Variants in NKAIN3 observed in about 807,000 individuals in gnomAD.
NKAIN3 encodes the protein sodium/potassium-transporting ATPase subunit beta-1-interacting protein 3.
Under a neutral mutation model 30.2 loss-of-function variants are expected in NKAIN3, and 25 were observed. That is an observed-to-expected ratio of 0.83 (90% CI 0.60 to 1.16). The LOEUF (loss-of-function observed/expected upper bound fraction) is 1.16, where lower values mean the gene tolerates loss of function less well. NKAIN3 is among the 50% of genes most tolerant of loss of function. The pLI is 0.00. For missense variants in NKAIN3, 225 were observed against 254.1 expected, an observed-to-expected ratio of 0.89 and a Z score of 0.78; for synonymous variants, 91 against 89.6, an observed-to-expected ratio of 1.02 and a Z score of -0.09.
chr8:62,941,196 C>T (rs999406855), intron 5 of NKAIN3, among the ~76,000 whole-genome samples: 1 of 151,880 alleles, frequency 6.6e-6, no homozygotes, highest in Non-Finnish European at 1.5e-5. Flanking sequence ...CTAGATTAAA[C>T]CAGGAAGAAA....
chr8:62,360,171 G>A (rs2129592425), intron 1 of NKAIN3, among the ~76,000 whole-genome samples: 1 of 152,306 alleles, frequency 6.6e-6, no homozygotes, highest in African/African-American at 2.4e-5. Context: ...TGAGTCACCA[G>A]GTAGCTATTA....
In NKAIN3 at chr8:62,976,666, C is replaced by T. The variant is rs1004334335; in HGVS notation, c.*11259C>T. Among the ~76,000 whole-genome samples, 42 of 152,254 alleles carry T rather than the reference C, an allele frequency of 2.8e-4. No individual in the cohort carries two copies. Among genetic ancestry groups the T allele is most frequent in the African/African-American group, 9.9e-4 (41 of 41,552 alleles). On this transcript the variant is annotated 3_prime_UTR_variant, in exon 7 of 7. Coordinates refer to ENST00000623646, the MANE Select transcript of NKAIN3 (RefSeq NM_001304533.3). Reference sequence around the variant, plus strand: ...GCCAGTCTGTGCCTTTTAATTGGGGCATTTAGCCCATTTACATTTAAGGTT... The same window carrying T: ...GCCAGTCTGTGCCTTTTAATTGGGGTATTTAGCCCATTTACATTTAAGGTT...
At chr8:62,838,804 T>C (rs182934914) in intron 4 of NKAIN3, among the ~76,000 whole-genome samples, 6 of 152,250 alleles carry the variant, frequency 3.9e-5, no homozygotes, top group African/African-American at 1.2e-4. Context: ...CCCAGTAAAA[T>C]GTAAATGTGC....
chr8:62,304,422 T>C (rs1310539063), intron 1 of NKAIN3, among the ~76,000 whole-genome samples: 1 of 150,406 alleles, frequency 6.6e-6, no homozygotes, highest in Non-Finnish European at 1.5e-5. Flanking sequence ...TTTTCCCCCT[T>C]TTAGTATGAT....
In NKAIN3 at chr8:62,548,484, G is replaced by A. The variant is rs1045040133; in HGVS notation, c.55-31055G>A. 2.6e-5 allele frequency among the ~76,000 whole-genome samples: 4 copies of A among 152,216 alleles called. No homozygotes were observed. In the East Asian group the frequency reaches 7.8e-4, roughly 29 times the overall value. ...CTCCCCCTGTGTCGGGGGTCATTAC[G>A]CTGCACTGACAGCCAGCTCTGATGC... On this transcript the variant is annotated intron_variant, in intron 1 of 6. Transcript: ENST00000623646.
intron 4 of NKAIN3, among the ~76,000 whole-genome samples, chr8:62,847,691 C>G (rs1324813566): frequency 6.6e-6 from 1 of 152,028 alleles, no homozygotes; most frequent in Non-Finnish European, 1.5e-5. Context: ...TTAATTAGAC[C>G]CCATCGGTCA....
At chr8:62,731,166 A>T (rs954345905) in intron 3 of NKAIN3, among the ~76,000 whole-genome samples, 1 of 151,682 alleles carries the variant, frequency 6.6e-6, no homozygotes, top group Admixed American at 6.6e-5. Flanking sequence ...AAACAGCAAA[A>T]CTGAAGTGCT....
At chr8:62,392,510 T>C (rs1817610836) in intron 1 of NKAIN3, among the ~76,000 whole-genome samples, 1 of 152,064 alleles carries the variant, frequency 6.6e-6, no homozygotes, top group Non-Finnish European at 1.5e-5. Flanking sequence ...ATTTATATTT[T>C]GGCTGTATTA....
chr8:62,276,776 T>C (rs1002800083), intron 1 of NKAIN3, among the ~76,000 whole-genome samples: 8 of 152,218 alleles, frequency 5.3e-5, no homozygotes, highest in Admixed American at 1.3e-4. Flanking sequence ...AATGAGAAGA[T>C]AATTGTCAAT....
At chr8:62,264,201 TC>T (rs1405161201) in intron 1 of NKAIN3, among the ~76,000 whole-genome samples, 1 of 152,192 alleles carries the variant, frequency 6.6e-6, no homozygotes, top group Non-Finnish European at 1.5e-5. Flanking sequence ...ATTATTTGCC[TC>T]CTAAGGAGCT....
At chr8:62,895,197 G>A (rs1234989951) in intron 4 of NKAIN3, among the ~76,000 whole-genome samples, 2 of 152,150 alleles carry the variant, frequency 1.3e-5, no homozygotes, top group African/African-American at 4.8e-5. Flanking sequence ...TTAAACAAAT[G>A]GTAGCTTACT....
chr8:62,527,212 A>G (rs1869016), intron 1 of NKAIN3, among the ~76,000 whole-genome samples: 130,153 of 152,160 alleles, frequency 0.86, 55,920 homozygotes, highest in Middle Eastern at 0.91. Context: ...CAGCCAAACG[A>G]CTCAACATTT....
At chr8:62,614,832 T>A (rs556282787) in intron 3 of NKAIN3, among the ~76,000 whole-genome samples, 2 of 152,116 alleles carry the variant, frequency 1.3e-5, no homozygotes, top group African/African-American at 4.8e-5. Flanking sequence ...TAATGTTCCC[T>A]TAAAACCCAA....
Position 62,401,968 on chromosome 8 carries a change from G to C in NKAIN3, c.54+152841G>C, listed in dbSNP as rs530504186. On this transcript the variant is annotated intron_variant, in intron 1 of 6. Coordinates refer to ENST00000623646, the MANE Select transcript of NKAIN3 (RefSeq NM_001304533.3). ...TTCTAGAGTTCTAGAATCTGCTGGT[G>C]GTGAAACCATCCAGGCTTTTCTCTC... 4.6e-5 allele frequency among the ~76,000 whole-genome samples: 7 copies of C among 152,260 alleles called. No homozygotes were observed. The South Asian group carries it at 8.3e-4, about 18-fold the overall frequency.
At chr8:62,565,527 C>T (rs1809722244) in intron 1 of NKAIN3, among the ~76,000 whole-genome samples, 1 of 152,124 alleles carries the variant, frequency 6.6e-6, no homozygotes, top group South Asian at 2.1e-4. Flanking sequence ...TGCTCAGGGT[C>T]ACATTTCAGT....
At chr8:62,519,548 G>A (rs1808091971) in intron 1 of NKAIN3, among the ~76,000 whole-genome samples, 1 of 152,086 alleles carries the variant, frequency 6.6e-6, no homozygotes, top group Admixed American at 6.6e-5. Flanking sequence ...GAGATTCAAA[G>A]AAGAAATAAA....
intron 1 of NKAIN3, among the ~76,000 whole-genome samples, chr8:62,541,647 A>G (rs957952949): frequency 2.6e-5 from 4 of 151,730 alleles, no homozygotes; most frequent in Admixed American, 6.6e-5. Flanking sequence ...TCTTTTTTCT[A>G]TTATCCATTT....
intron 1 of NKAIN3, among the ~76,000 whole-genome samples, chr8:62,538,521 A>G (rs1312262531): frequency 2.0e-5 from 3 of 152,188 alleles, no homozygotes; most frequent in Non-Finnish European, 4.4e-5. Context: ...CCTCCAAAGT[A>G]AACCTTAAAC....
intron 1 of NKAIN3, among the ~76,000 whole-genome samples, chr8:62,258,565 G>C (rs907288760): frequency 6.6e-6 from 1 of 152,110 alleles, no homozygotes; most frequent in East Asian, 1.9e-4. Flanking sequence ...GCTGAGGTGG[G>C]AGGAGGTTCA....
Sources: gnomAD v4.1 joint callset for allele counts (sites outside exome capture counted in the v4.1 genomes callset) on GRCh38, gnomAD v4.1.1 for gene constraint, MANE v1.5 for transcripts, NCBI Gene and HGNC (gene_info 2026-07-23, HGNC 2026-07-21) for gene names.